The following ARAP1 variants were observed in gnomAD, a reference collection of about 807,000 sequenced individuals.
ARAP1 encodes ArfGAP with RhoGAP domain, ankyrin repeat and PH domain 1.
Under a neutral mutation model 172.2 loss-of-function variants are expected in ARAP1, and 76 were observed. The observed-to-expected ratio is 0.44, with a 90% CI of 0.37 to 0.53. The LOEUF is 0.53. Among genes scored for constraint, ARAP1 ranks in the 20% least tolerant of loss-of-function variants. The pLI, the probability that ARAP1 is intolerant of heterozygous loss-of-function variation, is 0.00. For missense variants in ARAP1, 1,686 were observed against 1,977.5 expected (o/e 0.85, Z 2.80); for synonymous variants, 804 against 803.3 (o/e 1.00, Z -0.01).
intron 32 of ARAP1, 56 bp from the exon 33 acceptor site, chr11:72,687,558 AC>A (rs2135483509): frequency 1.2e-6 from 2 of 1,613,300 alleles, no homozygotes; most frequent in East Asian, 4.5e-5. Context: ...AGCAGGGAAC[AC>A]CGTGTCTGCC....
intron 23 of ARAP1, among the ~76,000 whole-genome samples, chr11:72,696,260 A>G (rs949121047): frequency 6.6e-6 from 1 of 152,200 alleles, no homozygotes; most frequent in East Asian, 1.9e-4. Context: ...TTGAGAATCT[A>G]ATGCCGCGGC....
intron 1 of ARAP1, among the ~76,000 whole-genome samples, chr11:72,746,007 C>G (rs1277132428): frequency 6.6e-6 from 1 of 152,216 alleles, no homozygotes; most frequent in East Asian, 1.9e-4. Flanking sequence ...GGCTCTTGAT[C>G]TCTGTCCACC....
At chr11:72,737,539 C>T (rs1858069233) in intron 1 of ARAP1, among the ~76,000 whole-genome samples, 1 of 152,144 alleles carries the variant, frequency 6.6e-6, no homozygotes, top group Non-Finnish European at 1.5e-5. Flanking sequence ...AAGACAGGCA[C>T]CCTCCAGCTT....
intron 33 of ARAP1, among the ~76,000 whole-genome samples, chr11:72,686,564 A>G (rs1413033499): frequency 1.3e-5 from 2 of 152,130 alleles, no homozygotes; most frequent in Non-Finnish European, 2.9e-5. Context: ...CCAAGAAAGA[A>G]CTCAGCCTAG....
At position 72,685,407 on chromosome 11, in the gene ARAP1, C is replaced by T. The variant is rs779165098; in HGVS notation, c.*257G>A. Reference sequence around the variant, plus strand: ...TCCAGCCCCACAAGGACAGTGAACCCGGTGGGGTGAGCAGGTTGGGCCAAG... The same window carrying T: ...TCCAGCCCCACAAGGACAGTGAACCTGGTGGGGTGAGCAGGTTGGGCCAAG... On this transcript the variant is annotated 3_prime_UTR_variant, in exon 35 of 35. Coordinates refer to ENST00000393609, the MANE Select transcript of ARAP1 (RefSeq NM_001040118.3). The T allele has an allele frequency of 4.4e-5, 25 of 567,342 alleles. No individual in the cohort carries two copies. Among genetic ancestry groups the T allele is most frequent in the African/African-American group, 9.4e-5 (5 of 53,126 alleles). The allele number at this position is 567,342 out of a possible 1,614,324, so 35.1% of individuals were successfully genotyped here.
intron 4 of ARAP1, 89 bp from the exon 5 acceptor site, chr11:72,713,332 A>G (rs1245903285): frequency 1.6e-6 from 2 of 1,250,350 alleles, no homozygotes; most frequent in South Asian, 2.5e-5. Flanking sequence ...AGCCTCCCCC[A>G]TGCCAAGACC....
At chr11:72,709,162 G>A (rs1856900082) in intron 11 of ARAP1, among the ~76,000 whole-genome samples, 1 of 152,154 alleles carries the variant, frequency 6.6e-6, no homozygotes, top group African/African-American at 2.4e-5. Flanking sequence ...CAGATATGCA[G>A]GCCAGAGCTC....
chr11:72,736,504 C>A (rs1176107805), intron 1 of ARAP1, among the ~76,000 whole-genome samples: 1 of 152,124 alleles, frequency 6.6e-6, no homozygotes, highest in Non-Finnish European at 1.5e-5. Flanking sequence ...GAGGTTTAAG[C>A]CCCTCAGCTG....
intron 1 of ARAP1, among the ~76,000 whole-genome samples, chr11:72,736,833 C>A (rs1204147126): frequency 6.6e-6 from 1 of 152,214 alleles, no homozygotes; most frequent in Non-Finnish European, 1.5e-5. Flanking sequence ...GAAACAAACA[C>A]CCACAGGGAG....
In ARAP1 at chr11:72,726,745, G is replaced by C. The variant is rs1198754030; in HGVS notation, c.384C>G (p.Cys128Trp). Residue 128 changes from cysteine to tryptophan, a missense_variant, in exon 3 of 35, where the codon TGC (cysteine) becomes TGG (tryptophan). By Grantham distance (215) the Cys-to-Trp change is radical. Coordinates refer to ENST00000393609, the MANE Select transcript of ARAP1 (RefSeq NM_001040118.3). This position sits in a 1 kb window ranked among gnomAD's most constrained non-coding sequence, Gnocchi z 6.5. ...GGGCAGCTGTGGATGGGGTGGTGAA[G>C]CAGGTGGGCGGAAGGCAGCTCCTCC... ...PPRRSCLPPTCFTTPSTAAPD... is the reference protein window; with the variant it reads ...PPRRSCLPPTWFTTPSTAAPD... The C allele has an allele frequency of 1.9e-6, 3 of 1,547,930 alleles. No homozygotes were observed. Among genetic ancestry groups the C allele is most frequent in the Non-Finnish European group, 2.6e-6 (3 of 1,145,990 alleles).
At chr11:72,690,936 CA>C (rs1855909000) in intron 30 of ARAP1, among the ~76,000 whole-genome samples, 2 of 152,316 alleles carry the variant, frequency 1.3e-5, no homozygotes, top group Admixed American at 1.3e-4. Flanking sequence ...CCGCATAAAC[CA>C]ACAAATGCCA....
chr11:72,716,906 C>T (rs1857296459), intron 3 of ARAP1, among the ~76,000 whole-genome samples: 1 of 152,224 alleles, frequency 6.6e-6, no homozygotes, highest in African/African-American at 2.4e-5. Flanking sequence ...CTGTGGGAGT[C>T]TTGAGTCGGA....
chr11:72,707,483 G>T, intron 11 of ARAP1, 109 bp from the exon 12 acceptor site: 1 of 1,026,634 alleles, frequency 9.7e-7, no homozygotes. Flanking sequence ...GAGCGCTTAG[G>T]CAAAAGAGTG....
chr11:72,697,356 C>G lies in ARAP1; in HGVS notation c.2920G>C (p.Val974Leu), dbSNP rs138209865. ...GTGATGTAGTCCACACAGCGGTACA[C>G]GATCACCGGGATATCCGAGTCCCCA... ...QLGDSDIPVI[V>L]YRCVDYITQC... Residue 974 changes from valine to leucine, a missense_variant, in exon 21 of 35, where the codon GTG becomes CTG. Val to Leu is a conservative substitution (Grantham distance 32, BLOSUM62 1). This residue lies in a region of ARAP1 where 274 missense variants were observed against 262.7 expected (regional missense o/e 1.04). Coordinates refer to ENST00000393609, the MANE Select transcript of ARAP1 (RefSeq NM_001040118.3). The G allele has an allele frequency of 3.8e-4, 604 of 1,601,710 alleles. No individual in the cohort carries two copies. Among genetic ancestry groups the G allele is most frequent in the Admixed American group, 9.0e-4 (52 of 57,690 alleles).
chr11:72,685,798 A>G (rs1304780101), intron 34 of ARAP1, 117 bp from the exon 35 acceptor site: 1 of 1,449,062 alleles, frequency 6.9e-7, no homozygotes, highest in Admixed American at 1.8e-5. Flanking sequence ...GAGCACTCCA[A>G]TCAGCCAGGC....
rs756398100 is a variant in ARAP1, at chr11:72,694,993, C to T, written c.3681G>A (p.Glu1227=). 6.2e-7 allele frequency: 1 copy of T among 1,614,094 alleles called. No individual in the cohort carries two copies. Among genetic ancestry groups the T allele is most frequent in the Non-Finnish European group, 8.5e-7 (1 of 1,179,988 alleles). The part of the protein sequence containing the change: ...KDYWTCFEVN[E]REEAERPLHF... ...AGCGTCACCCACCTGCCTCCTCCCT[C>T]TCGTTGACCTCAAAGCAGGTCCAAT... The change falls in exon 27 of 35, where the codon GAG becomes GAA. Residue 1227 remains glutamate (E), a synonymous_variant. Coordinates refer to ENST00000393609, the MANE Select transcript of ARAP1 (RefSeq NM_001040118.3).
At position 72,710,203 on chromosome 11, in the gene ARAP1, G is replaced by C. The variant is rs960658109; in HGVS notation, c.1416+182C>G. On this transcript the variant is annotated intron_variant, in intron 10 of 34. Transcript: ENST00000393609. This position sits in a 1 kb window ranked among gnomAD's most constrained non-coding sequence, Gnocchi z 4.3. ...AGCAAGGGCCAGGGCAGGGACTGGA[G>C]GGCAGTGCTCAGAGCCTGGGGGAAG... 1.3e-5 allele frequency among the ~76,000 whole-genome samples: 2 copies of C among 152,056 alleles called. No homozygotes were observed. The highest frequency in any genetic ancestry group is 3.9e-4 in the East Asian group (2 of 5,174).
At chr11:72,724,767 C>T (rs372388944) in intron 3 of ARAP1, among the ~76,000 whole-genome samples, 16 of 152,300 alleles carry the variant, frequency 1.1e-4, no homozygotes, top group African/African-American at 3.1e-4. Flanking sequence ...CATACTCTGC[C>T]GTAAGGAATA....
chr11:72,692,919 G>A, intron 29 of ARAP1, 134 bp from the exon 30 acceptor site: 3 of 1,189,346 alleles, frequency 2.5e-6, no homozygotes, highest in South Asian at 1.3e-5. Flanking sequence ...AATGGAGTCT[G>A]GGTTGGGAGA....
Sources: gnomAD v4.1 joint callset for allele counts (sites outside exome capture counted in the v4.1 genomes callset) on GRCh38, gnomAD v4.1.1 for gene constraint, gnomAD v4.1.1 regional missense constraint, Gnocchi (gnomAD v3.1) non-coding constraint, MANE v1.5 for transcripts, NCBI Gene and HGNC (gene_info 2026-07-23, HGNC 2026-07-21) for gene names.